CWC27: variants seen among roughly 807,000 people sequenced by gnomAD.
CWC27 encodes the protein CWC27 spliceosome associated cyclophilin.
In CWC27, 47 loss-of-function variants were observed where a neutral mutation model predicts 63.6. That is an observed-to-expected ratio of 0.74 (90% CI 0.58 to 0.94). The LOEUF is 0.94. Ranked by LOEUF, CWC27 falls within the 40% of genes least tolerant of loss-of-function variation. The probability of loss-of-function intolerance (pLI) is 0.00; values close to 1 mark genes in which losing one functional copy is unlikely to be tolerated. For missense variants in CWC27, 495 were observed against 554.3 expected, an observed-to-expected ratio of 0.89 and a Z score of 1.07; for synonymous variants, 175 against 179.8, an observed-to-expected ratio of 0.97 and a Z score of 0.22.
At chr5:64,771,319 C>T (rs754660814) in intron 1 of CWC27, among the ~76,000 whole-genome samples, 6 of 152,282 alleles carry the variant, frequency 3.9e-5, no homozygotes, top group East Asian at 3.9e-4. Context: ...GTGCTGAAAG[C>T]GTACAGAGAC....
At chr5:64,966,526 T>A (rs1749015270) in intron 11 of CWC27, among the ~76,000 whole-genome samples, 1 of 152,144 alleles carries the variant, frequency 6.6e-6, no homozygotes, top group Non-Finnish European at 1.5e-5. Context: ...CCCCAGTTTA[T>A]AGCTGAAGAA....
At chr5:64,973,985 A>G in intron 12 of CWC27, among the ~76,000 whole-genome samples, 1 of 152,080 alleles carries the variant, frequency 6.6e-6, no homozygotes, top group East Asian at 1.9e-4. Flanking sequence ...TTGTAATCCC[A>G]GGACTTTGGG....
rs575708699 is a variant in CWC27 at position 64,877,256 on chromosome 5, T to A, written c.939-8187T>A. Among the ~76,000 whole-genome samples the A allele has an allele frequency of 2.0e-5, 3 of 152,144 alleles. No individual in the cohort carries two copies. The South Asian group carries it at 6.2e-4, about 31-fold the overall frequency. ...CATAAAAGGATGAAATCCTATCATTTGCAGCAACGTGGAAGGAACAAGAGG... is the reference window on the plus strand; with the variant it reads ...CATAAAAGGATGAAATCCTATCATTAGCAGCAACGTGGAAGGAACAAGAGG... On this transcript the variant is annotated intron_variant, in intron 10 of 13. Transcript: ENST00000381070.
intron 10 of CWC27, among the ~76,000 whole-genome samples, chr5:64,852,715 T>C (rs1746165754): frequency 6.6e-6 from 1 of 151,994 alleles, no homozygotes. Flanking sequence ...TCAGGTGATC[T>C]GTTTGCCTCG....
intron 13 of CWC27, among the ~76,000 whole-genome samples, chr5:64,993,062 C>T (rs1299147603): frequency 6.6e-6 from 1 of 152,094 alleles, no homozygotes; most frequent in East Asian, 1.9e-4. Flanking sequence ...ACTTCTAAGC[C>T]TCAATTTCTT....
chr5:64,958,741 G>C (rs1252347408), intron 11 of CWC27, among the ~76,000 whole-genome samples: 1 of 152,078 alleles, frequency 6.6e-6, no homozygotes, highest in Non-Finnish European at 1.5e-5. Context: ...GAAAAACACA[G>C]AGGAAAACGT....
At chr5:64,924,956 GACAC>G (rs36083384) in intron 11 of CWC27, among the ~76,000 whole-genome samples, 23,851 of 145,466 alleles carry the variant, frequency 0.16, 2,140 homozygotes, top group Middle Eastern at 0.23. Flanking sequence ...GTCTTTCTTA[GACAC>G]ACACACACAC....
At chr5:64,866,315 A>G (rs1746530261) in intron 10 of CWC27, among the ~76,000 whole-genome samples, 1 of 152,056 alleles carries the variant, frequency 6.6e-6, no homozygotes, top group Non-Finnish European at 1.5e-5. Context: ...GTAATTGACA[A>G]GAGAGATCAC....
chr5:64,887,337 G>A (rs1747098979), intron 11 of CWC27, among the ~76,000 whole-genome samples: 1 of 152,022 alleles, frequency 6.6e-6, no homozygotes, highest in Non-Finnish European at 1.5e-5. Flanking sequence ...ATTCTTAACA[G>A]AGCTCATTTC....
At chr5:64,812,261 C>A (rs1346941443) in intron 10 of CWC27, among the ~76,000 whole-genome samples, 1 of 152,012 alleles carries the variant, frequency 6.6e-6, no homozygotes, top group Admixed American at 6.6e-5. Flanking sequence ...TTGAAACCCA[C>A]AGATATTATA....
chr5:64,788,686 G>T (rs1426872755), intron 6 of CWC27, among the ~76,000 whole-genome samples: 3 of 151,876 alleles, frequency 2.0e-5, no homozygotes, highest in Admixed American at 1.3e-4. Context: ...AAATTTAATG[G>T]TAATGCTCAG....
intron 10 of CWC27, among the ~76,000 whole-genome samples, chr5:64,841,628 C>G (rs1403016094): frequency 6.6e-6 from 1 of 152,062 alleles, no homozygotes; most frequent in Non-Finnish European, 1.5e-5. Context: ...TTTTTTATAT[C>G]TTTGTTACCT....
intron 11 of CWC27, among the ~76,000 whole-genome samples, chr5:64,950,932 T>C (rs953706798): frequency 6.6e-6 from 1 of 152,038 alleles, no homozygotes; most frequent in Non-Finnish European, 1.5e-5. Flanking sequence ...TTGAAATTCA[T>C]CTATTGTATC....
At chr5:64,969,802 C>T (rs1187194981) in intron 11 of CWC27, among the ~76,000 whole-genome samples, 2 of 152,052 alleles carry the variant, frequency 1.3e-5, no homozygotes, top group East Asian at 1.9e-4. Flanking sequence ...GACATCTAAA[C>T]CAGACTTCAA....
At chr5:64,886,422 T>C (rs940091645) in intron 11 of CWC27, among the ~76,000 whole-genome samples, 7 of 152,178 alleles carry the variant, frequency 4.6e-5, no homozygotes, top group African/African-American at 1.7e-4. Flanking sequence ...AGTACATACA[T>C]GTACACATTT....
chr5:64,972,834 A>G (rs1749151206), intron 12 of CWC27: 1 of 331,424 alleles, frequency 3.0e-6, no homozygotes, highest in South Asian at 2.6e-5. Context: ...TTGGCAGTCA[A>G]CACATGAACA....
At chr5:65,014,376 A>T (rs1449562657) in intron 13 of CWC27, among the ~76,000 whole-genome samples, 2 of 148,770 alleles carry the variant, frequency 1.3e-5, no homozygotes, top group African/African-American at 4.9e-5. Context: ...CATAGATTTT[A>T]TATATACACT....
chr5:65,014,612 G>A (rs1750018972), intron 13 of CWC27, among the ~76,000 whole-genome samples: 1 of 151,910 alleles, frequency 6.6e-6, no homozygotes, highest in African/African-American at 2.4e-5. Context: ...TGAGTTATTG[G>A]GACATACATG....
At chr5:64,930,264 G>C (rs1412413853) in intron 11 of CWC27, among the ~76,000 whole-genome samples, 1 of 152,036 alleles carries the variant, frequency 6.6e-6, no homozygotes, top group Non-Finnish European at 1.5e-5. Context: ...CTAACAGGTA[G>C]TGTTTTTTTT....
Sources: allele counts gnomAD v4.1 joint callset (sites outside exome capture counted in the v4.1 genomes callset), GRCh38; gene constraint gnomAD v4.1.1; transcripts MANE v1.5; gene names NCBI Gene and HGNC (gene_info 2026-07-23, HGNC 2026-07-21).